AGAP1: variants seen among roughly 807,000 people sequenced by gnomAD.
The protein encoded by AGAP1 is arf-GAP with GTPase, ANK repeat and PH domain-containing protein 1.
A neutral mutation model predicts 105.3 loss-of-function variants in AGAP1; 29 were observed. The ratio of observed to expected loss-of-function variants is 0.28; its 90% CI spans 0.21 to 0.38. The LOEUF is 0.38. Ranked by LOEUF, AGAP1 falls within the 10% of genes least tolerant of loss-of-function variation. AGAP1 has a pLI of 1.00. For missense variants in AGAP1, 998 were observed against 1,165.1 expected (o/e 0.86, Z 2.09); for synonymous variants, 509 against 485.9 (o/e 1.05, Z -0.63).
chr2:236,095,381 A>G lies in AGAP1; in HGVS notation c.2115-24811A>G, dbSNP rs1289759303. ...CACTGCATTCCAGCCTGGTTGACAG[A>G]GTTAGACCTTGTCTTGGCTGGGCAC... is the stretch of plus-strand genomic sequence containing the variant. On this transcript the variant is annotated intron_variant, in intron 16 of 17. Transcript: ENST00000304032. This position sits in a 1 kb window ranked among gnomAD's most constrained non-coding sequence, Gnocchi z 4.1. 1.3e-5 allele frequency among the ~76,000 whole-genome samples: 2 copies of G among 152,076 alleles called. No homozygotes were observed. The highest frequency in any genetic ancestry group is 2.9e-5 in the Non-Finnish European group (2 of 68,016).
intron 1 of AGAP1, among the ~76,000 whole-genome samples, chr2:235,674,651 A>G (rs1948624845): frequency 1.3e-5 from 2 of 148,802 alleles, no homozygotes; most frequent in African/African-American, 5.0e-5. Flanking sequence ...TTAATTTCTG[A>G]TTCCCTTGAT....
chr2:235,524,581 CT>C, intron 1 of AGAP1: 1 of 187,828 alleles, frequency 5.3e-6, no homozygotes, highest in Admixed American at 6.4e-5. Flanking sequence ...CCCACCATGC[CT>C]TCCCCACATG....
chr2:236,023,864 C>T (rs2056962770), intron 13 of AGAP1, among the ~76,000 whole-genome samples: 1 of 151,970 alleles, frequency 6.6e-6, no homozygotes, highest in Admixed American at 6.5e-5. Context: ...TATAGGGCAC[C>T]CTGGGAGAAC....
chr2:236,079,792 A>AC (rs2058735487), intron 16 of AGAP1, among the ~76,000 whole-genome samples: 1 of 151,684 alleles, frequency 6.6e-6, no homozygotes, highest in Non-Finnish European at 1.5e-5. Context: ...ATAAAAGAGG[A>AC]CCCCCCAATA....
chr2:235,826,089 G>A (rs774317696), intron 9 of AGAP1, among the ~76,000 whole-genome samples: 4 of 152,194 alleles, frequency 2.6e-5, no homozygotes, highest in African/African-American at 4.8e-5. Flanking sequence ...CCATGCTAAC[G>A]TGGCGCCATG....
At chr2:236,066,692 A>G (rs549105409) in intron 16 of AGAP1, among the ~76,000 whole-genome samples, 17 of 152,366 alleles carry the variant, frequency 1.1e-4, no homozygotes, top group African/African-American at 3.6e-4. Flanking sequence ...TATAATTTGC[A>G]TACTGCATTA....
chr2:235,698,336 GAGTACC>G (rs1208329618), intron 1 of AGAP1, among the ~76,000 whole-genome samples: 4 of 152,248 alleles, frequency 2.6e-5, no homozygotes, highest in Admixed American at 2.6e-4. Flanking sequence ...AGCCACGGAT[GAGTACC>G]AGTCCACGTC....
At chr2:235,815,032 C>T (rs1958371187) in intron 9 of AGAP1, among the ~76,000 whole-genome samples, 1 of 152,134 alleles carries the variant, frequency 6.6e-6, no homozygotes, top group Non-Finnish European at 1.5e-5. Context: ...CGGTAACCAG[C>T]GTTTATTGAC....
chr2:235,729,081 T>C lies in AGAP1; in HGVS notation c.310+11437T>C, dbSNP rs1315261126. The stretch of plus-strand genomic sequence containing the variant: ...CTGGGCTCCAGGGCTCCAGCCAGGC[T>C]ATTAGCAGGAGCACTGGCTTTGGAG... On this transcript the variant is annotated intron_variant, in intron 3 of 17. Coordinates refer to ENST00000304032, the MANE Select transcript of AGAP1 (RefSeq NM_001037131.3). The surrounding 1 kb of genome is among the most constrained non-coding windows in gnomAD (Gnocchi z 5.0). Among the ~76,000 whole-genome samples the C allele has an allele frequency of 6.6e-6, 1 of 152,098 alleles. No homozygotes were observed. The highest frequency in any genetic ancestry group is 2.4e-5 in the African/African-American group (1 of 41,384).
chr2:235,952,111 C>T (rs1033600670), intron 12 of AGAP1, among the ~76,000 whole-genome samples: 1 of 152,178 alleles, frequency 6.6e-6, no homozygotes, highest in Non-Finnish European at 1.5e-5. Context: ...CCTCATGTTT[C>T]AGCTTCCTTA....
Position 235,740,999 on chromosome 2 carries a change from A to G in AGAP1, c.347A>G (p.Gln116Arg). 6.2e-7 allele frequency: 1 copy of G among 1,614,238 alleles called. No homozygotes were observed. The highest frequency in any genetic ancestry group is 8.5e-7 in the Non-Finnish European group (1 of 1,180,032). ...AAGAAAGAGATTGTCGTTGATGGAC[A>G]GAGCTATCTGCTGCTGATCAGAGAT... ...RFKKEIVVDG[Q>R]SYLLLIRDEG... Residue 116 changes from glutamine to arginine, a missense_variant, in exon 4 of 18, where the codon CAG becomes CGG. By Grantham distance (43) the Gln-to-Arg change is conservative. This residue lies in a region of AGAP1 where 735 missense variants were observed against 833.4 expected (regional missense o/e 0.88). Transcript: ENST00000304032. The surrounding 1 kb of genome is among the most constrained non-coding windows in gnomAD (Gnocchi z 5.7).
At chr2:235,921,898 A>G (rs2052199616) in intron 11 of AGAP1, among the ~76,000 whole-genome samples, 1 of 152,226 alleles carries the variant, frequency 6.6e-6, no homozygotes, top group Non-Finnish European at 1.5e-5. Flanking sequence ...ATGCAAATAC[A>G]GGAGCGAATG....
intron 9 of AGAP1, among the ~76,000 whole-genome samples, chr2:235,833,908 A>G (rs1959786526): frequency 7.3e-6 from 1 of 136,156 alleles, no homozygotes; most frequent in Non-Finnish European, 1.5e-5. Flanking sequence ...AAGTAATTTC[A>G]TGACCCACTA....
At position 235,600,495 on chromosome 2, in the gene AGAP1, C is replaced by T. The variant is rs1312599658; in HGVS notation, c.163+105646C>T. Among the ~76,000 whole-genome samples, 1 of 152,142 alleles carries T rather than the reference C, an allele frequency of 6.6e-6. No homozygotes were observed. The highest frequency in any genetic ancestry group is 1.5e-5 in the Non-Finnish European group (1 of 68,036). Reference sequence around the variant, plus strand: ...TTAGGGTTCTCTAGAGGGATGGAACCAATAGGCCAGATATGTAATAAAGGG... The same window carrying T: ...TTAGGGTTCTCTAGAGGGATGGAACTAATAGGCCAGATATGTAATAAAGGG... On this transcript the variant is annotated intron_variant, in intron 1 of 17. Transcript: ENST00000304032. The surrounding 1 kb of genome is among the most constrained non-coding windows in gnomAD (Gnocchi z 4.8).
chr2:236,120,491 C>T lies in AGAP1; in HGVS notation c.2370+44C>T. ...TGGCAGAGGACGGGGCCACAGGAGG[C>T]ACTCTCTGCTTTGTTCTGCTTCCGT... On this transcript the variant is annotated intron_variant, in intron 17 of 17. Coordinates refer to ENST00000304032, the MANE Select transcript of AGAP1 (RefSeq NM_001037131.3). This position sits in a 1 kb window ranked among gnomAD's most constrained non-coding sequence, Gnocchi z 6.0. 6.2e-7 allele frequency: 1 copy of T among 1,607,616 alleles called. No homozygotes were observed. Among genetic ancestry groups the T allele is most frequent in the Non-Finnish European group, 8.5e-7 (1 of 1,178,074 alleles).
intron 8 of AGAP1, among the ~76,000 whole-genome samples, chr2:235,803,076 GTGA>G (rs1355858228): frequency 7.0e-5 from 8 of 113,546 alleles, no homozygotes; most frequent in Non-Finnish European, 9.5e-5. Context: ...AGTTGTGATG[GTGA>G]TGATGGTTGT....
intron 12 of AGAP1, among the ~76,000 whole-genome samples, chr2:235,938,745 G>T (rs1294601680): frequency 6.6e-6 from 1 of 152,106 alleles, no homozygotes; most frequent in East Asian, 1.9e-4. Context: ...AAAGACATCG[G>T]CACACTGGGA....
intron 1 of AGAP1, among the ~76,000 whole-genome samples, chr2:235,504,172 A>T (rs1455959887): frequency 6.6e-6 from 1 of 152,094 alleles, no homozygotes; most frequent in African/African-American, 2.4e-5. Context: ...GACACATAAC[A>T]GAGAAAGGTG....
Position 235,861,162 on chromosome 2 carries a change from A to G in AGAP1, c.1051-22183A>G, listed in dbSNP as rs377678675. Among the ~76,000 whole-genome samples, 101 of 152,368 alleles carry G rather than the reference A, an allele frequency of 6.6e-4. 2 individuals carry two copies. In the South Asian group the frequency reaches 0.021, roughly 31 times the overall value. ...GCTGATACAATATTTGCAGTGGTTC[A>G]TCATTCGATTGTCCTGATTAACAAT... On this transcript the variant is annotated intron_variant, in intron 9 of 17. Transcript: ENST00000304032.
Sources: gnomAD v4.1 joint callset for allele counts (sites outside exome capture counted in the v4.1 genomes callset) on GRCh38, gnomAD v4.1.1 for gene constraint, gnomAD v4.1.1 regional missense constraint, Gnocchi (gnomAD v3.1) non-coding constraint, MANE v1.5 for transcripts, NCBI Gene and HGNC (gene_info 2026-07-23, HGNC 2026-07-21) for gene names.